ATL1: variants seen among roughly 807,000 people sequenced by gnomAD.
The protein encoded by ATL1 is atlastin GTPase 1, also known as atlastin-1.
In ATL1, 31 loss-of-function variants were observed where a neutral mutation model predicts 75.5. The observed-to-expected ratio is 0.41, with a 90% CI of 0.31 to 0.55. The LOEUF (loss-of-function observed/expected upper bound fraction) is 0.55, where lower values mean the gene tolerates loss of function less well. Among genes scored for constraint, ATL1 ranks in the 20% least tolerant of loss-of-function variants. ATL1 has a pLI of 0.27. For missense variants in ATL1, 405 were observed against 662.6 expected, an observed-to-expected ratio of 0.61 and a Z score of 4.27; for synonymous variants, 226 against 233.3, an observed-to-expected ratio of 0.97 and a Z score of 0.28.
At chr14:50,551,046 T>G (rs1383266534) in intron 1 of ATL1, among the ~76,000 whole-genome samples, 1 of 151,462 alleles carries the variant, frequency 6.6e-6, no homozygotes, top group Non-Finnish European at 1.5e-5. Context: ...AGAAACTAAA[T>G]GAAATTGAAA....
chr14:50,561,569 A>G (rs879581017), intron 1 of ATL1, among the ~76,000 whole-genome samples: 14 of 152,168 alleles, frequency 9.2e-5, no homozygotes, highest in Admixed American at 2.6e-4. Context: ...GTTTACTTTA[A>G]TCAAAAGACC....
chr14:50,554,258 A>T (rs1020662280), intron 1 of ATL1, among the ~76,000 whole-genome samples: 1 of 152,080 alleles, frequency 6.6e-6, no homozygotes, highest in African/African-American at 2.4e-5. Flanking sequence ...AGCTTCTTTG[A>T]CTCATTCTCA....
intron 1 of ATL1, among the ~76,000 whole-genome samples, chr14:50,568,026 C>G (rs2038920504): frequency 6.6e-6 from 1 of 152,158 alleles, no homozygotes; most frequent in Non-Finnish European, 1.5e-5. Flanking sequence ...TTCAAGTTCT[C>G]TATTTCTTTG....
chr14:50,537,286 C>T (rs2038506189), intron 1 of ATL1, among the ~76,000 whole-genome samples: 1 of 152,210 alleles, frequency 6.6e-6, no homozygotes. Flanking sequence ...CCTTCTAGTA[C>T]ACAGAAGTCA....
Position 50,608,148 on chromosome 14 carries a change from T to C in ATL1, c.631-5111T>C, listed in dbSNP as rs551879631. Among the ~76,000 whole-genome samples, 9 of 152,226 alleles carry C rather than the reference T, an allele frequency of 5.9e-5. No individual in the cohort carries two copies. In the South Asian group the frequency reaches 1.9e-3, roughly 32 times the overall value. On this transcript the variant is annotated intron_variant, in intron 6 of 13. Coordinates refer to ENST00000358385, the MANE Select transcript of ATL1 (RefSeq NM_015915.5). ...GTTTGTGGCTTCATATGTTTTTATC[T>C]GAGCAAATTAGGCTAATTTGTATTC...
chr14:50,560,854 G>A (rs955762566), intron 1 of ATL1, among the ~76,000 whole-genome samples: 1 of 152,230 alleles, frequency 6.6e-6, no homozygotes, highest in Non-Finnish European at 1.5e-5. Context: ...AGCAGACCGA[G>A]CAACTGGGAG....
At chr14:50,574,937 G>GTATATATATATATA (rs71118894) in intron 1 of ATL1, among the ~76,000 whole-genome samples, 58 of 23,158 alleles carry the variant, frequency 2.5e-3, no homozygotes, top group Non-Finnish European at 3.4e-3. Flanking sequence ...GTGTGTGTGT[G>GTATATATATATATA]TATATATATA....
chr14:50,623,269 A>C, intron 11 of ATL1, 21 bp downstream of exon 11: 2 of 1,597,278 alleles, frequency 1.3e-6, no homozygotes, highest in Non-Finnish European at 1.7e-6. Flanking sequence ...AATATTTTAA[A>C]TTCTGTCTTA....
chr14:50,622,918 T>G (rs991099522), intron 10 of ATL1, among the ~76,000 whole-genome samples: 1 of 152,170 alleles, frequency 6.6e-6, no homozygotes, highest in African/African-American at 2.4e-5. Flanking sequence ...CTAAAAAATA[T>G]TTTTTGAGAG....
chr14:50,595,249 C>CA (rs1038656342), intron 5 of ATL1, among the ~76,000 whole-genome samples: 2 of 151,780 alleles, frequency 1.3e-5, no homozygotes, highest in African/African-American at 4.8e-5. Context: ...TTGTCCCCCA[C>CA]AAAAAAATTA....
intron 6 of ATL1, among the ~76,000 whole-genome samples, chr14:50,599,578 C>T (rs1595606295): frequency 6.6e-6 from 1 of 151,922 alleles, no homozygotes; most frequent in African/African-American, 2.4e-5. Flanking sequence ...CCATCACTAG[C>T]AGAACAGATA....
chr14:50,596,035 T>C (rs1311991593), intron 6 of ATL1, among the ~76,000 whole-genome samples: 3 of 151,918 alleles, frequency 2.0e-5, no homozygotes, highest in Admixed American at 1.3e-4. Context: ...CATTTGAAAA[T>C]AAAAGGATGG....
At chr14:50,559,691 T>G (rs2038810336), upstream of ATL1, 1 of 153,680 alleles carries the variant, frequency 6.5e-6, no homozygotes, top group East Asian at 1.9e-4. Flanking sequence ...TCAGTATACA[T>G]ATACAAAAAT....
chr14:50,593,611 T>C (rs1469015731), intron 4 of ATL1, among the ~76,000 whole-genome samples: 3 of 152,228 alleles, frequency 2.0e-5, no homozygotes, highest in African/African-American at 7.2e-5. Flanking sequence ...TAATATTCCA[T>C]CTCCAGAGCA....
intron 11 of ATL1, among the ~76,000 whole-genome samples, chr14:50,627,137 A>C (rs1031637254): frequency 1.3e-5 from 2 of 152,224 alleles, no homozygotes; most frequent in Non-Finnish European, 2.9e-5. Context: ...ACCTTCAGCA[A>C]CACCACCCTA....
At chr14:50,584,372 G>C (rs2039082572) in intron 1 of ATL1, among the ~76,000 whole-genome samples, 1 of 151,798 alleles carries the variant, frequency 6.6e-6, no homozygotes, top group South Asian at 2.1e-4. Flanking sequence ...GTGAGACCCT[G>C]TCTCAAAAAA....
chr14:50,574,933 GTGTGTATATATATATATATA>G (rs1164416657), intron 1 of ATL1, among the ~76,000 whole-genome samples: 1 of 45,982 alleles, frequency 2.2e-5, no homozygotes, highest in East Asian at 5.4e-4. Context: ...GTGTGTGTGT[GTGTGTATATATATATATATA>G]TATATATATA....
chr14:50,561,592 GC>G (rs1189797773), intron 1 of ATL1, among the ~76,000 whole-genome samples: 2 of 152,098 alleles, frequency 1.3e-5, no homozygotes, highest in Admixed American at 1.3e-4. Flanking sequence ...GTATCTCCTT[GC>G]CTCTGATTGT....
At chr14:50,558,029 A>C (rs1434478385), upstream of ATL1, among the ~76,000 whole-genome samples, 1 of 152,198 alleles carries the variant, frequency 6.6e-6, no homozygotes, top group African/African-American at 2.4e-5. Context: ...GCATAGCACA[A>C]TTTTTTTAAA....
Sources: allele counts gnomAD v4.1 joint callset (sites outside exome capture counted in the v4.1 genomes callset), GRCh38; gene constraint gnomAD v4.1.1; transcripts MANE v1.5; gene names NCBI Gene and HGNC (gene_info 2026-07-23, HGNC 2026-07-21).